PRKDC: variants seen among roughly 807,000 people sequenced by gnomAD.
The protein encoded by PRKDC is DNA-dependent protein kinase catalytic subunit.
A neutral mutation model predicts 486.9 loss-of-function variants in PRKDC; 82 were observed. The ratio of observed to expected loss-of-function variants is 0.17; its 90% CI spans 0.14 to 0.20. The LOEUF (loss-of-function observed/expected upper bound fraction) is 0.20. Ranked by LOEUF, PRKDC falls within the 10% of genes least tolerant of loss-of-function variation. The pLI, the probability that PRKDC is intolerant of heterozygous loss-of-function variation, is 1.00. For synonymous variants in PRKDC, 1,895 were observed against 1,837.0 expected (o/e 1.03, Z -0.81); for missense variants, 4,504 against 5,038.2 (o/e 0.89, Z 3.21).
intron 21 of PRKDC, among the ~76,000 whole-genome samples, chr8:47,924,541 C>T (rs2090123686): frequency 6.6e-6 from 1 of 151,908 alleles, no homozygotes; most frequent in South Asian, 2.1e-4. Context: ...GCCTGGGAAA[C>T]AGAGTGAGAC....
rs1380266016 is a variant in PRKDC at position 47,935,526 on chromosome 8, A to AAATTAATAGTTC, written c.1447+194_1447+205dup. ...CAAAAAAAATGAAAAAAAACTATTA[A>AAATTAATAGTTC]AATTAATAGTTCTATTAATAGAACT... On this transcript the variant is annotated intron_variant, in intron 13 of 85. Coordinates refer to ENST00000314191, the MANE Select transcript of PRKDC (RefSeq NM_006904.7). Among the ~76,000 whole-genome samples, 3 of 152,026 alleles carry AAATTAATAGTTC rather than the reference A, an allele frequency of 2.0e-5. No individual in the cohort carries two copies. The East Asian group carries it at 5.8e-4, about 29-fold the overall frequency.
Position 47,782,463 on chromosome 8 carries a change from T to C in PRKDC, c.11311A>G (p.Met3771Val), listed in dbSNP as rs537277157. Reference protein sequence around the residue: ...DQRVEQLFQVMNGILAQDSAC... With the variant: ...DQRVEQLFQVVNGILAQDSAC... ...GAGTCTTGGGCCAGGATCCCATTCATGACCTGGAAGAGCTGCTCCACGCGC... is the reference window on the plus strand; with the variant it reads ...GAGTCTTGGGCCAGGATCCCATTCACGACCTGGAAGAGCTGCTCCACGCGC... Residue 3771 changes from methionine to valine, a missense_variant, in exon 79 of 86, where the codon ATG becomes GTG. Around this residue, in one of 6 missense-constraint regions of PRKDC, gnomAD observed 706 missense variants for 945.0 expected, o/e 0.75. Coordinates refer to ENST00000314191, the MANE Select transcript of PRKDC (RefSeq NM_006904.7). The surrounding 1 kb of genome is among the most constrained non-coding windows in gnomAD (Gnocchi z 4.9). 6.3e-7 allele frequency: 1 copy of C among 1,591,868 alleles called. No homozygotes were observed. The highest frequency in any genetic ancestry group is 1.3e-5 in the African/African-American group (1 of 74,710).
At chr8:47,902,494 C>T (rs187519300) in intron 27 of PRKDC, 75 bp downstream of exon 27, 85 of 1,034,330 alleles carry the variant, frequency 8.2e-5, no homozygotes, top group Non-Finnish European at 9.9e-5. Flanking sequence ...ATATGACACA[C>T]GGATACACAG....
intron 27 of PRKDC, among the ~76,000 whole-genome samples, chr8:47,901,632 T>C (rs2089684394): frequency 6.6e-6 from 1 of 152,268 alleles, no homozygotes; most frequent in Non-Finnish European, 1.5e-5. Flanking sequence ...CCCTTGCATC[T>C]GCAGAACTGC....
chr8:47,819,970 G>A (rs771676615), intron 66 of PRKDC, among the ~76,000 whole-genome samples: 2 of 152,116 alleles, frequency 1.3e-5, no homozygotes, highest in Non-Finnish European at 2.9e-5. Flanking sequence ...CTTTATACAA[G>A]ACATTCACTT....
At chr8:47,905,121 C>A (rs968858369) in intron 25 of PRKDC, 145 bp from the exon 26 acceptor site, 58 of 596,018 alleles carry the variant, frequency 9.7e-5, no homozygotes, top group Non-Finnish European at 1.3e-4. Context: ...TTAGTTCAGG[C>A]TCAAGTGGTC....
chr8:47,928,976 C>A (rs2090203785), intron 19 of PRKDC, 116 bp downstream of exon 19: 1 of 843,838 alleles, frequency 1.2e-6, no homozygotes, highest in South Asian at 1.6e-5. Flanking sequence ...GGGCATGAGC[C>A]ACCGCACCCA....
chr8:47,797,322 T>C (rs536776503), intron 73 of PRKDC, among the ~76,000 whole-genome samples: 9 of 152,330 alleles, frequency 5.9e-5, no homozygotes, highest in African/African-American at 1.9e-4. Flanking sequence ...AATGAAGTTA[T>C]TTGCTCACTT....
At chr8:47,857,896 T>TGAGG (rs2088581490) in intron 48 of PRKDC, among the ~76,000 whole-genome samples, 1 of 152,112 alleles carries the variant, frequency 6.6e-6, no homozygotes, top group Admixed American at 6.5e-5. Context: ...TGGTGCTCAA[T>TGAGG]GAATGAGCCC....
At position 47,800,823 on chromosome 8, in the gene PRKDC, A is replaced by G. The variant is rs769909576; in HGVS notation, c.10086T>C (p.Leu3362=). 1.2e-6 allele frequency: 2 copies of G among 1,612,134 alleles called. No individual in the cohort carries two copies. The highest frequency in any genetic ancestry group is 1.7e-6 in the Non-Finnish European group (2 of 1,179,090). ...CTGAATCCTCTGAACTGGATCCAGA[A>G]AGCTCTAAGATTCTTCTAGCCTTGT... The part of the protein sequence containing the change: ...EEDKARRILE[L]SGSSSEDSEK... Residue 3362 remains leucine (L), a synonymous_variant, in exon 71 of 86, where the codon CTT becomes CTC. Coordinates refer to ENST00000314191, the MANE Select transcript of PRKDC (RefSeq NM_006904.7).
chr8:47,782,901 G>A lies in PRKDC; in HGVS notation c.11176-303C>T, dbSNP rs1423344457. 2 of 424,058 alleles carry A rather than the reference G, an allele frequency of 4.7e-6. No individual in the cohort carries two copies. Among genetic ancestry groups the A allele is most frequent in the Non-Finnish European group, 8.7e-6 (2 of 230,922 alleles). The allele number at this position is 424,058 out of a possible 1,614,324, so 26.3% of individuals were successfully genotyped here. A position where few individuals can be genotyped will look rare whatever the true frequency, so the allele number is the denominator to read the frequency against. On this transcript the variant is annotated intron_variant, in intron 78 of 85. Transcript: ENST00000314191. The surrounding 1 kb of genome is among the most constrained non-coding windows in gnomAD (Gnocchi z 4.9). ...AAGCTAATGCTACACATATTTTATA[G>A]TGGATACTCACACACAGCTTACTCT...
chr8:47,940,442 A>G (rs971862991), intron 10 of PRKDC, among the ~76,000 whole-genome samples: 11 of 152,166 alleles, frequency 7.2e-5, no homozygotes, highest in Non-Finnish European at 1.5e-4. Flanking sequence ...AGAAAAAAAA[A>G]TCCACCTTCC....
intron 73 of PRKDC, among the ~76,000 whole-genome samples, chr8:47,796,453 T>C (rs1292000608): frequency 6.6e-6 from 1 of 152,206 alleles, no homozygotes; most frequent in Non-Finnish European, 1.5e-5. Flanking sequence ...ATGTTCCATG[T>C]TTATTTGCCT....
chr8:47,777,389 A>G (rs1201280550), intron 84 of PRKDC, among the ~76,000 whole-genome samples: 1 of 152,022 alleles, frequency 6.6e-6, no homozygotes. Flanking sequence ...CTGTATTTTT[A>G]GTAGAGACAG....
Position 47,898,453 on chromosome 8 carries a change from G to A in PRKDC, c.3464+17C>T. On this transcript the variant is annotated intron_variant, in intron 29 of 85. Coordinates refer to ENST00000314191, the MANE Select transcript of PRKDC (RefSeq NM_006904.7). Reference sequence around the variant, plus strand: ...TATGTTGTGGGAAAAGACGGAAAAGGAAGCAAGATCACCTACCGCGGCAAA... The same window carrying A: ...TATGTTGTGGGAAAAGACGGAAAAGAAAGCAAGATCACCTACCGCGGCAAA... 6.5e-7 allele frequency: 1 copy of A among 1,533,802 alleles called. No individual in the cohort carries two copies. The highest frequency in any genetic ancestry group is 8.8e-7 in the Non-Finnish European group (1 of 1,130,620).
At chr8:47,819,902 T>C (rs1428371215) in intron 66 of PRKDC, among the ~76,000 whole-genome samples, 1 of 152,162 alleles carries the variant, frequency 6.6e-6, no homozygotes, top group Non-Finnish European at 1.5e-5. Context: ...ATGAAAACAA[T>C]GAATGAATAT....
chr8:47,891,496 G>T (rs977601469), intron 31 of PRKDC, among the ~76,000 whole-genome samples: 1 of 151,972 alleles, frequency 6.6e-6, no homozygotes, highest in African/African-American at 2.4e-5. Flanking sequence ...CGAGGCAGGC[G>T]GATCACGAGG....
chr8:47,837,176 T>C, intron 57 of PRKDC, 36 bp downstream of exon 57: 3 of 1,557,636 alleles, frequency 1.9e-6, no homozygotes, highest in Non-Finnish European at 1.8e-6. Flanking sequence ...GAAAAGCCTA[T>C]AATATTCACT....
Position 47,938,252 on chromosome 8 carries a change from C to CA in PRKDC, c.1113+1298dup, listed in dbSNP as rs1157193258. 6.6e-3 allele frequency among the ~76,000 whole-genome samples: 952 copies of CA among 143,906 alleles called. 8 individuals are homozygous for CA. The highest frequency in any genetic ancestry group is 0.019 in the African/African-American group (737 of 39,410). The allele number at this position is 143,906 out of a possible 152,430, so 94.4% of individuals were successfully genotyped here. A position where few individuals can be genotyped will look rare whatever the true frequency, so the allele number is the denominator to read the frequency against. On this transcript the variant is annotated intron_variant, in intron 11 of 85. Coordinates refer to ENST00000314191, the MANE Select transcript of PRKDC (RefSeq NM_006904.7). The stretch of plus-strand genomic sequence containing the variant: ...AGAAACCCTGTCTCTACTAAAAATA[C>CA]AAAAAAAAAAATACCCAGGTGTGGT...
Sources: gnomAD v4.1 joint callset for allele counts (sites outside exome capture counted in the v4.1 genomes callset) on GRCh38, gnomAD v4.1.1 for gene constraint, gnomAD v4.1.1 regional missense constraint, Gnocchi (gnomAD v3.1) non-coding constraint, MANE v1.5 for transcripts, NCBI Gene and HGNC (gene_info 2026-07-23, HGNC 2026-07-21) for gene names.